Variants in MIS18A observed in about 807,000 individuals in gnomAD.
The protein encoded by MIS18A is MIS18 kinetochore protein A.
MIS18A carries 14 observed loss-of-function variants against 25.0 expected under a neutral mutation model. That is an observed-to-expected ratio of 0.56 (90% CI 0.37 to 0.88). The LOEUF is 0.88. Among genes scored for constraint, MIS18A ranks in the 40% least tolerant of loss-of-function variants. The pLI is 0.00. For synonymous variants in MIS18A, 134 were observed against 118.6 expected (o/e 1.13, Z -0.84); for missense variants, 292 against 290.8 (o/e 1.00, Z -0.03).
the MIS18A span, among the ~76,000 whole-genome samples, chr21:32,208,474 A>G: frequency 2.6e-5 from 4 of 152,018 alleles, no homozygotes; most frequent in Non-Finnish European, 2.9e-5. Flanking sequence ...TTCACCTTCC[A>G]CCATGATTGT....
chr21:32,205,776 C>T, the MIS18A span, among the ~76,000 whole-genome samples: 3 of 152,134 alleles, frequency 2.0e-5, no homozygotes, highest in South Asian at 2.1e-4. Flanking sequence ...CTCAGCCTTG[C>T]GTTTTCTGCT....
intron 4 of MIS18A, 58 bp from the exon 5 acceptor site, chr21:32,269,175 A>G: frequency 1.7e-6 from 2 of 1,195,822 alleles, no homozygotes; most frequent in Non-Finnish European, 2.4e-6. Flanking sequence ...AAAATTATAC[A>G]TGGTTAAATA....
the MIS18A span, among the ~76,000 whole-genome samples, chr21:32,262,494 C>T: frequency 2.1e-4 from 32 of 152,302 alleles, 1 homozygote; most frequent in East Asian, 5.8e-4. Context: ...GGGTGGACAA[C>T]GGTTAATGGA....
chr21:32,192,342 C>T, the MIS18A span, among the ~76,000 whole-genome samples: 1 of 152,210 alleles, frequency 6.6e-6, no homozygotes, highest in African/African-American at 2.4e-5. Flanking sequence ...CTGGGGTCTC[C>T]TCGCGTGGCT....
chr21:32,278,650 C>T (rs554626762), intron 1 of MIS18A, 31 bp downstream of exon 1: 13 of 1,474,096 alleles, frequency 8.8e-6, no homozygotes, highest in African/African-American at 2.8e-5. Flanking sequence ...GGCGACCCCA[C>T]GCCCCCCCTG....
At chr21:32,199,371 C>T in the MIS18A span, among the ~76,000 whole-genome samples, 105 of 151,934 alleles carry the variant, frequency 6.9e-4, no homozygotes, top group Middle Eastern at 3.4e-3. Context: ...CTTACTTCTT[C>T]CATTTGAATC....
At position 32,278,664 on chromosome 21, in the gene MIS18A, G is replaced by T. The variant is rs781535128; in HGVS notation, c.334+17C>A. The stretch of plus-strand genomic sequence containing the variant: ...AGGCGACCCCACGCCCCCCCTGCCC[G>T]GCTCGACCCAACTGACAGCGAAGCA... On this transcript the variant is annotated intron_variant, in intron 1 of 4. Coordinates refer to ENST00000290130, the MANE Select transcript of MIS18A (RefSeq NM_018944.3). 27 of 1,502,180 alleles carry T rather than the reference G, an allele frequency of 1.8e-5. No homozygotes were observed. The highest frequency in any genetic ancestry group is 2.4e-5 in the Non-Finnish European group (27 of 1,127,634). 93.1% of individuals were successfully genotyped at this position (1,502,180 alleles called of 1,614,324 possible). A position where few individuals can be genotyped will look rare whatever the true frequency, so the allele number is the denominator to read the frequency against.
chr21:32,214,242 G>A, the MIS18A span, among the ~76,000 whole-genome samples: 1 of 152,118 alleles, frequency 6.6e-6, no homozygotes, highest in African/African-American at 2.4e-5. Context: ...TTCTCAGATG[G>A]GACATGAGAG....
At chr21:32,245,727 G>A in the MIS18A span, among the ~76,000 whole-genome samples, 2 of 152,260 alleles carry the variant, frequency 1.3e-5, no homozygotes, top group South Asian at 4.2e-4. Context: ...AGTTGTTCTG[G>A]GGTAAGTGGC....
the MIS18A span, among the ~76,000 whole-genome samples, chr21:32,181,795 GT>G: frequency 1.3e-5 from 2 of 152,126 alleles, no homozygotes; most frequent in Non-Finnish European, 2.9e-5. Flanking sequence ...TGAGACATGT[GT>G]TTGCCCATCA....
chr21:32,223,296 TAGAG>T, the MIS18A span, among the ~76,000 whole-genome samples: 1 of 149,276 alleles, frequency 6.7e-6, no homozygotes, highest in African/African-American at 2.5e-5. Flanking sequence ...CTGAAGGAGA[TAGAG>T]ACACAAAAAA....
chr21:32,182,748 G>A, the MIS18A span, among the ~76,000 whole-genome samples: 1 of 152,170 alleles, frequency 6.6e-6, no homozygotes, highest in South Asian at 2.1e-4. Flanking sequence ...TGTGAAGCTG[G>A]GTGGGGCAAG....
At chr21:32,274,727 G>T in intron 2 of MIS18A, 103 bp downstream of exon 2, 1 of 894,298 alleles carries the variant, frequency 1.1e-6, no homozygotes, top group Non-Finnish European at 1.7e-6. Context: ...TTACTATCAT[G>T]AAAAGTTTTA....
chr21:32,203,809 A>G, the MIS18A span, among the ~76,000 whole-genome samples: 1 of 151,692 alleles, frequency 6.6e-6, no homozygotes, highest in African/African-American at 2.4e-5. Flanking sequence ...TGTAGAGACA[A>G]GGTTTCACTA....
At chr21:32,216,453 A>C in the MIS18A span, among the ~76,000 whole-genome samples, 1 of 152,230 alleles carries the variant, frequency 6.6e-6, no homozygotes, top group Non-Finnish European at 1.5e-5. Context: ...CTTCCAGTGC[A>C]AAAAGCCTTT....
the MIS18A span, among the ~76,000 whole-genome samples, chr21:32,201,286 C>T: frequency 0.015 from 2,319 of 151,124 alleles, 60 homozygotes; most frequent in African/African-American, 0.054. Flanking sequence ...ACATCGGAGC[C>T]GACCCCGAGA....
At chr21:32,216,221 T>A in the MIS18A span, among the ~76,000 whole-genome samples, 1 of 152,110 alleles carries the variant, frequency 6.6e-6, no homozygotes, top group Non-Finnish European at 1.5e-5. Flanking sequence ...CCTATTCCCA[T>A]CCCTTACCCG....
chr21:32,274,010 G>GCTT (rs2031761410), intron 2 of MIS18A, among the ~76,000 whole-genome samples: 1 of 151,928 alleles, frequency 6.6e-6, no homozygotes, highest in Non-Finnish European at 1.5e-5. Context: ...GCCACACAGG[G>GCTT]CTTCAGATTG....
At chr21:32,193,575 GTAAA>G in the MIS18A span, among the ~76,000 whole-genome samples, 22 of 152,210 alleles carry the variant, frequency 1.4e-4, no homozygotes, top group South Asian at 3.5e-3. Flanking sequence ...CTGGAATTGC[GTAAA>G]TAATTTTAAG....
Sources: allele counts gnomAD v4.1 joint callset (sites outside exome capture counted in the v4.1 genomes callset), GRCh38; gene constraint gnomAD v4.1.1; transcripts MANE v1.5; gene names NCBI Gene and HGNC (gene_info 2026-07-23, HGNC 2026-07-21).